The following ADCY7 variants were observed in gnomAD, a reference collection of about 807,000 sequenced individuals.
ADCY7 encodes adenylate cyclase type 7.
ADCY7 carries 72 observed loss-of-function variants against 120.6 expected under a neutral mutation model. The observed-to-expected ratio is 0.60, with a 90% CI of 0.49 to 0.73. ADCY7 has a LOEUF of 0.73. Among genes scored for constraint, ADCY7 ranks in the 30% least tolerant of loss-of-function variants. The pLI, the probability that ADCY7 is intolerant of heterozygous loss-of-function variation, is 0.00. For synonymous variants in ADCY7, 661 were observed against 628.0 expected (o/e 1.05, Z -0.78); for missense variants, 1,227 against 1,486.0 (o/e 0.83, Z 2.87).
chr16:50,308,775 G>C lies in ADCY7; in HGVS notation c.2044G>C (p.Val682Leu), dbSNP rs202220919. ...CCTGACCATCGGCAGCCTGCTCACT[G>C]TGGCCATCATCAACCTGGTGGGTCC... Reference protein sequence around the residue: ...AVLTIGSLLTVAIINLPLMPF... With the variant: ...AVLTIGSLLTLAIINLPLMPF... Residue 682 changes from valine to leucine, a missense_variant, in exon 17 of 26, where the codon GTG (valine) becomes CTG (leucine). Coordinates refer to ENST00000673801, the MANE Select transcript of ADCY7 (RefSeq NM_001114.5). 1.9e-6 allele frequency: 3 copies of C among 1,611,074 alleles called. No homozygotes were observed. The highest frequency in any genetic ancestry group is 2.7e-5 in the African/African-American group (2 of 74,940).
chr16:50,305,430 T>C (rs759695767), intron 12 of ADCY7, 73 bp from the exon 13 acceptor site: 2 of 1,357,292 alleles, frequency 1.5e-6, no homozygotes, highest in Non-Finnish European at 2.1e-6. Context: ...CACTGGTGTC[T>C]ACGTCCACAC....
rs532911410 is a variant in ADCY7, at chr16:50,317,605, C to T, written c.*2100C>T. 5.9e-5 allele frequency: 9 copies of T among 152,432 alleles called. No homozygotes were observed. The East Asian group carries it at 1.5e-3, about 25-fold the overall frequency. 9.4% of individuals were successfully genotyped at this position (152,432 alleles called of 1,614,324 possible). A position where few individuals can be genotyped will look rare whatever the true frequency, so the allele number is the denominator to read the frequency against. ...TTTCCAATTAAAGCAAAGCACTGTG[C>T]TGTGCTCAGATAATAATAGTTTGTA... is the stretch of plus-strand genomic sequence containing the variant. On this transcript the variant is annotated 3_prime_UTR_variant, in exon 26 of 26. Coordinates refer to ENST00000673801, the MANE Select transcript of ADCY7 (RefSeq NM_001114.5).
At chr16:50,312,856 G>T (rs764451542) in intron 21 of ADCY7, 34 bp from the exon 22 acceptor site, 1 of 1,612,032 alleles carries the variant, frequency 6.2e-7, no homozygotes, top group East Asian at 2.2e-5. Context: ...CTCAAGAGGT[G>T]AAGTGGTGTA....
At chr16:50,246,740 G>A (rs926854146) in intron 1 of ADCY7, among the ~76,000 whole-genome samples, 4 of 152,222 alleles carry the variant, frequency 2.6e-5, no homozygotes, top group African/African-American at 9.6e-5. Flanking sequence ...GCCAGGCCCG[G>A]CCCCTGCCTC....
chr16:50,294,869 T>C (rs1463531809), intron 7 of ADCY7, 118 bp downstream of exon 7: 1 of 678,790 alleles, frequency 1.5e-6, no homozygotes, highest in Non-Finnish European at 2.5e-6. Context: ...GGCTGAATTT[T>C]AGCATCCAGC....
At chr16:50,249,806 C>T (rs74017336) in intron 1 of ADCY7, among the ~76,000 whole-genome samples, 2,212 of 152,332 alleles carry the variant, frequency 0.015, 48 homozygotes, top group African/African-American at 0.051. Context: ...GTGTGGGGAG[C>T]GGGCAGCCTG....
intron 1 of ADCY7, among the ~76,000 whole-genome samples, chr16:50,254,921 G>A (rs544826734): frequency 3.9e-4 from 59 of 151,338 alleles, no homozygotes; most frequent in African/African-American, 1.4e-3. Context: ...AAAGCTGAAG[G>A]CATCACACTA....
chr16:50,254,085 T>G (rs2150784277), intron 1 of ADCY7, among the ~76,000 whole-genome samples: 1 of 152,268 alleles, frequency 6.6e-6, no homozygotes, highest in South Asian at 2.1e-4. Flanking sequence ...CACATGATCC[T>G]CATCTGTAGG....
chr16:50,280,596 C>T (rs2034198937), intron 1 of ADCY7, among the ~76,000 whole-genome samples: 1 of 152,168 alleles, frequency 6.6e-6, no homozygotes, highest in Non-Finnish European at 1.5e-5. Context: ...GAATTTCCCT[C>T]TTAACACTAC....
chr16:50,296,077 G>C lies in ADCY7; in HGVS notation c.948+1326G>C, dbSNP rs531901295. Among the ~76,000 whole-genome samples, 5 of 152,336 alleles carry C rather than the reference G, an allele frequency of 3.3e-5. No homozygotes were observed. The East Asian group carries it at 7.7e-4, about 24-fold the overall frequency. On this transcript the variant is annotated intron_variant, in intron 7 of 25. Coordinates refer to ENST00000673801, the MANE Select transcript of ADCY7 (RefSeq NM_001114.5). ...TCTGTTTTGTTTTGTTTTTGAGACAGAGTCTTGCTCTGTCACCTAGCGTGA... is the reference window on the plus strand; with the variant it reads ...TCTGTTTTGTTTTGTTTTTGAGACACAGTCTTGCTCTGTCACCTAGCGTGA...
intron 1 of ADCY7, among the ~76,000 whole-genome samples, chr16:50,286,365 G>C (rs1189853666): frequency 6.7e-6 from 1 of 148,430 alleles, no homozygotes; most frequent in Admixed American, 6.7e-5. Flanking sequence ...GGGAGGTTGA[G>C]GCTGCAGCGG....
At chr16:50,287,201 AG>A (rs933237461) in intron 1 of ADCY7, among the ~76,000 whole-genome samples, 2 of 151,088 alleles carry the variant, frequency 1.3e-5, no homozygotes, top group African/African-American at 4.9e-5. Context: ...TTTTTAGTGG[AG>A]GGGGGTTTTA....
Position 50,288,130 on chromosome 16 carries a change from C to T in ADCY7, c.-50C>T, listed in dbSNP as rs757195749. 21 of 1,504,248 alleles carry T rather than the reference C, an allele frequency of 1.4e-5. No homozygotes were observed. The African/African-American group carries it at 2.6e-4, about 19-fold the overall frequency. The allele number at this position is 1,504,248 out of a possible 1,614,324, so 93.2% of individuals were successfully genotyped here. On this transcript the variant is annotated 5_prime_UTR_variant, in exon 2 of 26. Transcript: ENST00000673801. ...TTGGCAGACAGATGCCCTCCAGGCC[C>T]TGGGGCCTCCTTAACGGCCCCTTAA...
chr16:50,303,631 C>G (rs1293627508), intron 10 of ADCY7, among the ~76,000 whole-genome samples: 2 of 151,588 alleles, frequency 1.3e-5, no homozygotes, highest in Non-Finnish European at 2.9e-5. Flanking sequence ...AGGTCTGTGG[C>G]ATGAGTGGGG....
intron 1 of ADCY7, among the ~76,000 whole-genome samples, chr16:50,251,268 A>C (rs2032749136): frequency 6.6e-6 from 1 of 152,118 alleles, no homozygotes; most frequent in Non-Finnish European, 1.5e-5. Flanking sequence ...AAAGAAAAAA[A>C]AGCCTGTCTT....
At position 50,304,609 on chromosome 16, in the gene ADCY7, G is replaced by A. The variant is rs977295379; in HGVS notation, c.1560+58G>A. ...TTGGGGCCCCAAGCCAGGAGCAGGA[G>A]AGTGAGTGCTGAAGATCTCCTGCCC... On this transcript the variant is annotated intron_variant, in intron 11 of 25. Transcript: ENST00000673801. 1.8e-5 allele frequency: 27 copies of A among 1,471,648 alleles called. No individual in the cohort carries two copies. The African/African-American group carries it at 2.8e-4, about 15-fold the overall frequency. 91.2% of individuals were successfully genotyped at this position (1,471,648 alleles called of 1,614,324 possible). A position where few individuals can be genotyped will look rare whatever the true frequency, so the allele number is the denominator to read the frequency against.
intron 9 of ADCY7, 52 bp downstream of exon 9, chr16:50,300,925 A>C (rs1596949137): frequency 6.5e-7 from 1 of 1,528,596 alleles, no homozygotes; most frequent in Non-Finnish European, 8.8e-7. Context: ...CTGGCTGTGG[A>C]TGGAGGGTTC....
At chr16:50,266,950 ATG>A (rs2033254260) in intron 1 of ADCY7, among the ~76,000 whole-genome samples, 1 of 152,102 alleles carries the variant, frequency 6.6e-6, no homozygotes, top group Non-Finnish European at 1.5e-5. Flanking sequence ...AATGTTGTAC[ATG>A]TGGCCCGTTC....
chr16:50,248,016 G>A (rs544401913), intron 1 of ADCY7, among the ~76,000 whole-genome samples: 1 of 152,252 alleles, frequency 6.6e-6, no homozygotes, highest in South Asian at 2.1e-4. Context: ...CATAAGTTAG[G>A]CAGGACCCAA....
Sources: allele counts gnomAD v4.1 joint callset (sites outside exome capture counted in the v4.1 genomes callset), GRCh38; gene constraint gnomAD v4.1.1; transcripts MANE v1.5; gene names NCBI Gene and HGNC (gene_info 2026-07-23, HGNC 2026-07-21).